ARGLU1: variants seen among roughly 807,000 people sequenced by gnomAD.
The protein encoded by ARGLU1 is arginine and glutamate rich 1, also known as arginine and glutamate-rich protein 1.
A neutral mutation model predicts 37.6 loss-of-function variants in ARGLU1; 9 were observed. The ratio of observed to expected loss-of-function variants is 0.24; its 90% CI spans 0.14 to 0.42. The LOEUF is 0.42. Among genes scored for constraint, ARGLU1 ranks in the 10% least tolerant of loss-of-function variants. The pLI is 1.00. For missense variants in ARGLU1, 211 were observed against 359.2 expected (o/e 0.59, Z 3.34); for synonymous variants, 166 against 138.5 (o/e 1.20, Z -1.39).
intron 1 of ARGLU1, among the ~76,000 whole-genome samples, chr13:106,564,070 C>T (rs764653031): frequency 9.2e-5 from 14 of 152,168 alleles, no homozygotes; most frequent in Non-Finnish European, 1.9e-4. Context: ...AAGAACCACA[C>T]TGAATGGCTG....
intron 1 of ARGLU1, among the ~76,000 whole-genome samples, chr13:106,561,353 G>A (rs187064301): frequency 8.6e-5 from 13 of 151,714 alleles, no homozygotes; most frequent in Non-Finnish European, 1.9e-4. Flanking sequence ...TGTTGAATCT[G>A]GATAATGAGT....
chr13:106,544,548 T>C (rs1230038120), intron 3 of ARGLU1, among the ~76,000 whole-genome samples: 1 of 131,516 alleles, frequency 7.6e-6, no homozygotes, highest in African/African-American at 3.2e-5. Context: ...ACAAATCACA[T>C]GTTGAGATGA....
chr13:106,551,624 C>T (rs1294430885), intron 3 of ARGLU1, among the ~76,000 whole-genome samples: 6 of 152,176 alleles, frequency 3.9e-5, no homozygotes, highest in Admixed American at 3.9e-4. Flanking sequence ...TAAATTTATT[C>T]TGGAGGCCAG....
At chr13:106,566,124 C>T (rs1343773134) in intron 1 of ARGLU1, among the ~76,000 whole-genome samples, 2 of 152,178 alleles carry the variant, frequency 1.3e-5, no homozygotes, top group Non-Finnish European at 2.9e-5. Context: ...TTGTATTCTA[C>T]AAAATCAAGG....
At position 106,567,913 on chromosome 13, in the gene ARGLU1, G is replaced by A; in HGVS notation, c.7C>T (p.Arg3Trp). 1 of 1,607,274 alleles carries A rather than the reference G, an allele frequency of 6.2e-7. No homozygotes were observed. The highest frequency in any genetic ancestry group is 2.2e-5 in the East Asian group (1 of 44,732). ...CGGGACGAGCTCCGGCTCCGAGACC[G>A]GCCCATCCTTCCGGGAGACGCTCTA... MG[R>W]SRSRSSSRSK... Residue 3 changes from arginine (R) to tryptophan (W), a missense_variant, in exon 1 of 4, where the codon CGG becomes TGG. Coordinates refer to ENST00000400198, the MANE Select transcript of ARGLU1 (RefSeq NM_018011.4). The surrounding 1 kb of genome is among the most constrained non-coding windows in gnomAD (Gnocchi z 4.3).
At chr13:106,559,110 C>T in intron 2 of ARGLU1, 1 of 1,266,584 alleles carries the variant, frequency 7.9e-7, no homozygotes, top group Non-Finnish European at 1.0e-6. Context: ...CCCTTTACCA[C>T]TCCCTGTCTC....
chr13:106,568,005 GT>G lies in ARGLU1; in HGVS notation c.-87del. 6.7e-7 allele frequency: 1 copy of G among 1,494,170 alleles called. No homozygotes were observed. Among genetic ancestry groups the G allele is most frequent in the Non-Finnish European group, 8.8e-7 (1 of 1,132,670 alleles). 92.6% of individuals were successfully genotyped at this position (1,494,170 alleles called of 1,614,324 possible). On this transcript the variant is annotated 5_prime_UTR_variant, in exon 1 of 4. Transcript: ENST00000400198. ...CTCCGCCTTCGGACGCGGGCTGGCGGTTCTACCGAGGCCGGAGGAAAGAAAG... is the reference window on the plus strand; with the variant it reads ...CTCCGCCTTCGGACGCGGGCTGGCGGTCTACCGAGGCCGGAGGAAAGAAAG...
chr13:106,546,374 T>G (rs1398846615), intron 3 of ARGLU1, among the ~76,000 whole-genome samples: 1 of 152,208 alleles, frequency 6.6e-6, no homozygotes, highest in Non-Finnish European at 1.5e-5. Context: ...CCAGCTTTGT[T>G]TCTACTCCTC....
chr13:106,547,303 A>G (rs543691490), intron 3 of ARGLU1, among the ~76,000 whole-genome samples: 20 of 152,292 alleles, frequency 1.3e-4, no homozygotes, highest in African/African-American at 4.3e-4. Context: ...TCAAAATTAC[A>G]TCTTCGTAAT....
chr13:106,557,920 C>G lies in ARGLU1; in HGVS notation c.574-789G>C, dbSNP rs186914048. On this transcript the variant is annotated intron_variant, in intron 2 of 3. Transcript: ENST00000400198. This position sits in a 1 kb window ranked among gnomAD's most constrained non-coding sequence, Gnocchi z 5.0. ...GGCAGCTTATATTGTCATCTACAAT[C>G]TGAACTGAAACTCAGAAATCCAGGG... 1.0e-6 allele frequency: 1 copy of G among 985,416 alleles called. No individual in the cohort carries two copies. Among genetic ancestry groups the G allele is most frequent in the East Asian group, 1.1e-4 (1 of 8,814 alleles). The allele number at this position is 985,416 out of a possible 1,614,324, so 61.0% of individuals were successfully genotyped here.
chr13:106,568,121 C>T lies in ARGLU1; in HGVS notation c.-202G>A. 1 of 760,684 alleles carries T rather than the reference C, an allele frequency of 1.3e-6. No individual in the cohort carries two copies. 47.1% of individuals were successfully genotyped at this position (760,684 alleles called of 1,614,324 possible). ...CGAGAAACCCGTAGCGCCAGGCGCCCCTAAGATGGCAGCTGCGGCTGCACC... is the reference window on the plus strand; with the variant it reads ...CGAGAAACCCGTAGCGCCAGGCGCCTCTAAGATGGCAGCTGCGGCTGCACC... On this transcript the variant is annotated 5_prime_UTR_variant, in exon 1 of 4. Coordinates refer to ENST00000400198, the MANE Select transcript of ARGLU1 (RefSeq NM_018011.4).
intron 3 of ARGLU1, among the ~76,000 whole-genome samples, chr13:106,555,317 C>T (rs531573388): frequency 6.6e-5 from 10 of 152,174 alleles, no homozygotes; most frequent in African/African-American, 2.2e-4. Context: ...CCCGAGACTG[C>T]GCCATTGCAC....
chr13:106,542,706 T>C lies in ARGLU1; in HGVS notation c.*1290A>G, dbSNP rs138524386. On this transcript the variant is annotated 3_prime_UTR_variant, in exon 4 of 4. Transcript: ENST00000400198. ...ACATGTTTATGCATCTCAGGTAGCA[T>C]TTTAGATCAATATCCTTTTCTTGAA... 132 of 152,188 alleles carry C rather than the reference T, an allele frequency of 8.7e-4. No homozygotes were observed. The highest frequency in any genetic ancestry group is 3.0e-3 in the African/African-American group (126 of 41,544). 9.4% of individuals were successfully genotyped at this position (152,188 alleles called of 1,614,324 possible). A position where few individuals can be genotyped will look rare whatever the true frequency, so the allele number is the denominator to read the frequency against.
intron 1 of ARGLU1, chr13:106,562,033 A>T (rs906403396): frequency 3.3e-5 from 5 of 152,210 alleles, no homozygotes; most frequent in Non-Finnish European, 5.9e-5. Flanking sequence ...ACACTGGAGA[A>T]TGAGAAATGA....
At chr13:106,564,290 T>C (rs746143600) in intron 1 of ARGLU1, among the ~76,000 whole-genome samples, 4 of 152,240 alleles carry the variant, frequency 2.6e-5, no homozygotes, top group Non-Finnish European at 4.4e-5. Context: ...TATTGAGAGC[T>C]ATTACATGCC....
chr13:106,551,300 C>T (rs1457062888), intron 3 of ARGLU1, among the ~76,000 whole-genome samples: 1 of 152,194 alleles, frequency 6.6e-6, no homozygotes, highest in Non-Finnish European at 1.5e-5. Flanking sequence ...AACTTCAACA[C>T]TTACTTAGAA....
At chr13:106,551,911 C>T (rs768667776) in intron 3 of ARGLU1, among the ~76,000 whole-genome samples, 2 of 152,164 alleles carry the variant, frequency 1.3e-5, no homozygotes, top group African/African-American at 2.4e-5. Context: ...TTAAGGCCCA[C>T]CAGATAATCC....
intron 3 of ARGLU1, among the ~76,000 whole-genome samples, chr13:106,544,841 A>G (rs1880352121): frequency 6.6e-6 from 1 of 152,194 alleles, no homozygotes; most frequent in African/African-American, 2.4e-5. Flanking sequence ...GAAGAAAAAT[A>G]TTACAAAACC....
intron 2 of ARGLU1, chr13:106,558,373 A>G: frequency 1.0e-6 from 1 of 985,402 alleles, no homozygotes; most frequent in African/African-American, 1.7e-5. Flanking sequence ...ACCAGAAAGC[A>G]AAGAGATTTA....
Sources: allele counts gnomAD v4.1 joint callset (sites outside exome capture counted in the v4.1 genomes callset), GRCh38; gene constraint gnomAD v4.1.1; non-coding constraint Gnocchi (gnomAD v3.1); transcripts MANE v1.5; gene names NCBI Gene and HGNC (gene_info 2026-07-23, HGNC 2026-07-21).